CA10: variants seen among roughly 807,000 people sequenced by gnomAD.
CA10 encodes carbonic anhydrase-related protein 10.
In CA10, 14 loss-of-function variants were observed where a neutral mutation model predicts 44.2. That is an observed-to-expected ratio of 0.32 (90% CI 0.21 to 0.50). CA10 has a LOEUF of 0.50. CA10 is among the 20% of genes least tolerant of loss of function. CA10 has a pLI of 0.99. For synonymous variants in CA10, 159 were observed against 141.6 expected (o/e 1.12, Z -0.87); for missense variants, 350 against 409.7 (o/e 0.85, Z 1.26).
intron 3 of CA10, among the ~76,000 whole-genome samples, chr17:51,904,778 G>C (rs192898539): frequency 6.6e-6 from 1 of 151,994 alleles, no homozygotes; most frequent in Non-Finnish European, 1.5e-5. Context: ...TCTATCCTAC[G>C]CTGCTTCTGC....
At chr17:51,909,468 G>A (rs1218474171) in intron 3 of CA10, among the ~76,000 whole-genome samples, 1 of 152,108 alleles carries the variant, frequency 6.6e-6, no homozygotes. Context: ...AGTGTCCTCT[G>A]CTCTTTTTTC....
rs900757093 is a variant in CA10 at position 51,771,055 on chromosome 17, C to T, written c.280-23237G>A. ...AGGAGAATCGCTTGAACCCAGGAAG[C>T]GGAGGTTGCAGTGAGCTGAGATCGT... On this transcript the variant is annotated intron_variant, in intron 3 of 8. Coordinates refer to ENST00000451037, the MANE Select transcript of CA10 (RefSeq NM_020178.5). Among the ~76,000 whole-genome samples the T allele has an allele frequency of 6.0e-5, 8 of 133,124 alleles. No homozygotes were observed. In the Admixed American group the frequency reaches 6.3e-4, roughly 10 times the overall value. 87.3% of individuals were successfully genotyped at this position (133,124 alleles called of 152,430 possible). A position where few individuals can be genotyped will look rare whatever the true frequency, so the allele number is the denominator to read the frequency against.
intron 2 of CA10, among the ~76,000 whole-genome samples, chr17:52,029,639 G>A (rs1053495094): frequency 1.3e-5 from 2 of 152,048 alleles, no homozygotes; most frequent in Admixed American, 6.6e-5. Context: ...GAAGATCAGC[G>A]AGACATAAAG....
intron 1 of CA10, among the ~76,000 whole-genome samples, chr17:52,139,310 T>C (rs1989426754): frequency 6.6e-6 from 1 of 152,200 alleles, no homozygotes; most frequent in South Asian, 2.1e-4. Context: ...TTAAATTAAA[T>C]AGTCTTGGAT....
intron 4 of CA10, among the ~76,000 whole-genome samples, chr17:51,700,762 A>G (rs1026262833): frequency 4.0e-4 from 61 of 152,122 alleles, no homozygotes; most frequent in African/African-American, 1.4e-3. Context: ...AACACCACAA[A>G]CTGAGGGACA....
intron 3 of CA10, among the ~76,000 whole-genome samples, chr17:51,833,095 T>C (rs1413893496): frequency 6.6e-6 from 1 of 152,168 alleles, no homozygotes; most frequent in East Asian, 1.9e-4. Flanking sequence ...AAAGAGGCCC[T>C]CTGGAACCAA....
chr17:51,732,804 G>A (rs1916767965), intron 4 of CA10, among the ~76,000 whole-genome samples: 1 of 151,980 alleles, frequency 6.6e-6, no homozygotes, highest in Admixed American at 6.5e-5. Context: ...CATAAACTTG[G>A]GAGCTGAAGT....
chr17:51,871,881 A>T (rs1422643769), intron 3 of CA10, among the ~76,000 whole-genome samples: 1 of 152,174 alleles, frequency 6.6e-6, no homozygotes. Context: ...GTACCTTCAA[A>T]GACTCATGTG....
intron 3 of CA10, among the ~76,000 whole-genome samples, chr17:51,836,738 G>A (rs1022532308): frequency 3.9e-5 from 6 of 152,292 alleles, no homozygotes; most frequent in Non-Finnish European, 7.3e-5. Flanking sequence ...AAAAATAACC[G>A]CATATAACAT....
At chr17:52,099,257 G>A (rs1351969726) in intron 1 of CA10, among the ~76,000 whole-genome samples, 1 of 152,156 alleles carries the variant, frequency 6.6e-6, no homozygotes, top group Non-Finnish European at 1.5e-5. Flanking sequence ...TAAACTGCCT[G>A]GAGCATAATG....
chr17:52,145,467 C>T (rs1429717509), intron 1 of CA10, among the ~76,000 whole-genome samples: 3 of 152,184 alleles, frequency 2.0e-5, no homozygotes, highest in African/African-American at 7.2e-5. Flanking sequence ...GCAAAACTAA[C>T]ACTAAACACA....
intron 4 of CA10, among the ~76,000 whole-genome samples, chr17:51,701,107 A>G (rs1421959245): frequency 2.0e-5 from 3 of 152,048 alleles, no homozygotes; most frequent in African/African-American, 7.2e-5. Context: ...TTTTTTTTCA[A>G]AAGTCTGATA....
rs76246510 is a variant in CA10, at chr17:51,778,255, G to T, written c.280-30437C>A. ...TTTTTGGGACCCATCAACTCTGAAG[G>T]TCCTGTTTCATGGGACAAAGCCGCT... On this transcript the variant is annotated intron_variant, in intron 3 of 8. Coordinates refer to ENST00000451037, the MANE Select transcript of CA10 (RefSeq NM_020178.5). 6.0e-4 allele frequency among the ~76,000 whole-genome samples: 92 copies of T among 152,208 alleles called. 1 individual carries two copies. The East Asian group carries it at 0.015, about 24-fold the overall frequency.
intron 3 of CA10, among the ~76,000 whole-genome samples, chr17:51,870,208 T>C (rs1979739257): frequency 6.6e-6 from 1 of 152,218 alleles, no homozygotes; most frequent in African/African-American, 2.4e-5. Context: ...TGATTATACT[T>C]ATACAGTTAG....
chr17:51,697,626 C>A (rs1915446230), intron 4 of CA10, among the ~76,000 whole-genome samples: 1 of 152,218 alleles, frequency 6.6e-6, no homozygotes, highest in Non-Finnish European at 1.5e-5. Flanking sequence ...GTATCTATCT[C>A]CAACTGCTAG....
intron 1 of CA10, among the ~76,000 whole-genome samples, chr17:52,106,175 G>A (rs566216738): frequency 6.6e-6 from 1 of 152,280 alleles, no homozygotes; most frequent in East Asian, 1.9e-4. Context: ...TGGATTACTA[G>A]GGAATTTCCA....
At chr17:51,985,365 G>A (rs1340723551) in intron 2 of CA10, among the ~76,000 whole-genome samples, 2 of 150,868 alleles carry the variant, frequency 1.3e-5, no homozygotes, top group Non-Finnish European at 3.0e-5. Flanking sequence ...GGGACATAAT[G>A]TAATAAAAGT....
chr17:51,909,872 A>C (rs202126), intron 3 of CA10, among the ~76,000 whole-genome samples: 111,938 of 151,998 alleles, frequency 0.74, 41,556 homozygotes, highest in African/African-American at 0.79. Context: ...TCCCATAACC[A>C]CCTTCTCTAT....
intron 3 of CA10, among the ~76,000 whole-genome samples, chr17:51,804,476 C>T (rs1907054846): frequency 6.6e-6 from 1 of 152,220 alleles, no homozygotes; most frequent in Non-Finnish European, 1.5e-5. Context: ...TGGGTCTTCT[C>T]TTTTGAAACT....
Sources: gnomAD v4.1 joint callset for allele counts (sites outside exome capture counted in the v4.1 genomes callset) on GRCh38, gnomAD v4.1.1 for gene constraint, MANE v1.5 for transcripts, NCBI Gene and HGNC (gene_info 2026-07-23, HGNC 2026-07-21) for gene names.